The following FHAD1 variants were observed in gnomAD, a reference collection of about 807,000 sequenced individuals.
FHAD1 encodes forkhead-associated domain-containing protein 1.
A neutral mutation model predicts 191.3 loss-of-function variants in FHAD1; 146 were observed. That is an observed-to-expected ratio of 0.76 (90% CI 0.67 to 0.88). The LOEUF is 0.88. FHAD1 is among the 40% of genes least tolerant of loss of function. The pLI is 0.00. For missense variants in FHAD1, 1,635 were observed against 1,785.8 expected (o/e 0.92, Z 1.52); for synonymous variants, 616 against 672.3 (o/e 0.92, Z 1.29).
chr1:15,290,209 C>T (rs535828739), intron 4 of FHAD1, among the ~76,000 whole-genome samples: 122 of 152,286 alleles, frequency 8.0e-4, no homozygotes, highest in Non-Finnish European at 1.5e-3. Flanking sequence ...CACTCACAAC[C>T]TGGTCACTCT....
At chr1:15,317,986 T>A in intron 10 of FHAD1, 58 bp downstream of exon 10, 1 of 1,070,826 alleles carries the variant, frequency 9.3e-7, no homozygotes, top group Non-Finnish European at 1.4e-6. Flanking sequence ...CCACTCATCA[T>A]CCCTGTTAGT....
chr1:15,265,847 T>C (rs1326123541), intron 2 of FHAD1, among the ~76,000 whole-genome samples: 1 of 151,222 alleles, frequency 6.6e-6, no homozygotes, highest in Admixed American at 6.6e-5. Context: ...GGTGTGCCCC[T>C]GTAATCCCAG....
chr1:15,356,482 A>G (rs1003340812), intron 20 of FHAD1, among the ~76,000 whole-genome samples: 3 of 152,210 alleles, frequency 2.0e-5, no homozygotes, highest in African/African-American at 7.2e-5. Flanking sequence ...TTTACAGAAA[A>G]GAATAGAAGT....
At chr1:15,353,430 C>T (rs980802097) in intron 20 of FHAD1, among the ~76,000 whole-genome samples, 14 of 152,224 alleles carry the variant, frequency 9.2e-5, no homozygotes, top group African/African-American at 2.6e-4. Context: ...GTTGGCTGGG[C>T]GCGGTGGCTC....
chr1:15,381,128 C>A lies in FHAD1; in HGVS notation c.3802-103C>A. 5 of 770,516 alleles carry A rather than the reference C, an allele frequency of 6.5e-6. No individual in the cohort carries two copies. Among genetic ancestry groups the A allele is most frequent in the Non-Finnish European group, 1.1e-5 (5 of 471,038 alleles). 47.7% of individuals were successfully genotyped at this position (770,516 alleles called of 1,614,324 possible). On this transcript the variant is annotated intron_variant, in intron 29 of 33. Coordinates refer to ENST00000688493, the MANE Select transcript of FHAD1 (RefSeq NM_001391957.1). The surrounding 1 kb of genome is among the most constrained non-coding windows in gnomAD (Gnocchi z 4.6). Reference sequence around the variant, plus strand: ...TTTCAAAGCATGTGCGTGTTCTCTGCAATTGCAGAAAGTGAATGAAACAGA... The same window carrying A: ...TTTCAAAGCATGTGCGTGTTCTCTGAAATTGCAGAAAGTGAATGAAACAGA...
At chr1:15,285,857 T>C (rs1328660747) in intron 3 of FHAD1, among the ~76,000 whole-genome samples, 1 of 152,244 alleles carries the variant, frequency 6.6e-6, no homozygotes, top group Non-Finnish European at 1.5e-5. Context: ...CAATGGAATA[T>C]TATTCAGCCA....
intron 2 of FHAD1, among the ~76,000 whole-genome samples, chr1:15,258,268 C>CA (rs151169400): frequency 0.015 from 2,317 of 152,290 alleles, 58 homozygotes; most frequent in African/African-American, 0.053. Flanking sequence ...TGGCAGCCAC[C>CA]GTCTTTCTGA....
At chr1:15,304,199 G>A (rs1350640858) in intron 6 of FHAD1, among the ~76,000 whole-genome samples, 1 of 152,206 alleles carries the variant, frequency 6.6e-6, no homozygotes, top group African/African-American at 2.4e-5. Flanking sequence ...ACCGCCATGC[G>A]GCCTGCACTG....
At position 15,262,736 on chromosome 1, in the gene FHAD1, T is replaced by C. The variant is rs538176985; in HGVS notation, c.94-9587T>C. 3.3e-5 allele frequency among the ~76,000 whole-genome samples: 5 copies of C among 152,336 alleles called. No individual in the cohort carries two copies. The South Asian group carries it at 6.2e-4, about 19-fold the overall frequency. On this transcript the variant is annotated intron_variant, in intron 2 of 33. Coordinates refer to ENST00000688493, the MANE Select transcript of FHAD1 (RefSeq NM_001391957.1). ...TGGGTTGCTTTCACCATTTGGCTAC[T>C]GTGAATAATGTGAATAATGCTGCTA...
intron 1 of FHAD1, among the ~76,000 whole-genome samples, chr1:15,238,707 G>A (rs988530149): frequency 1.3e-5 from 2 of 152,104 alleles, no homozygotes; most frequent in African/African-American, 4.8e-5. Flanking sequence ...TTCTTTATAG[G>A]ATAAATCAAC....
chr1:15,382,104 G>C lies in FHAD1; in HGVS notation c.4099G>C (p.Glu1367Gln). 6.4e-7 allele frequency: 1 copy of C among 1,552,150 alleles called. No homozygotes were observed. The highest frequency in any genetic ancestry group is 8.7e-7 in the Non-Finnish European group (1 of 1,147,098). Residue 1367 changes from glutamate to glutamine, a missense_variant, in exon 31 of 34, where the codon GAG (glutamate) becomes CAG (glutamine). Coordinates refer to ENST00000688493, the MANE Select transcript of FHAD1 (RefSeq NM_001391957.1). ...LEDDIYKEAE[E>Q]KALLKEALER... is the part of the protein sequence containing the mutation. ...GGATGATATCTACAAAGAGGCCGAA[G>C]AGAAGGCCCTGCTGAAGGAGGCCCT...
At chr1:15,297,188 TG>T (rs532895625) in intron 5 of FHAD1, among the ~76,000 whole-genome samples, 162 of 152,174 alleles carry the variant, frequency 1.1e-3, no homozygotes, top group African/African-American at 3.6e-3. Context: ...ACTTCCCTAG[TG>T]GGAGGAAGTG....
intron 18 of FHAD1, among the ~76,000 whole-genome samples, chr1:15,348,060 C>G (rs1447096627): frequency 1.3e-5 from 2 of 152,202 alleles, no homozygotes; most frequent in Non-Finnish European, 2.9e-5. Flanking sequence ...TTTTACAATT[C>G]ACAGGAAAAT....
chr1:15,244,407 C>T (rs1573557739), upstream of FHAD1, among the ~76,000 whole-genome samples: 1 of 152,128 alleles, frequency 6.6e-6, no homozygotes, highest in Non-Finnish European at 1.5e-5. This position sits in a 1 kb window ranked among gnomAD's most constrained non-coding sequence, Gnocchi z 5.1. Context: ...ATGGGCTGTT[C>T]CAGCTCATGG....
At chr1:15,392,595 G>A (rs938549260) in intron 33 of FHAD1, among the ~76,000 whole-genome samples, 2 of 152,082 alleles carry the variant, frequency 1.3e-5, no homozygotes, top group Non-Finnish European at 2.9e-5. Context: ...GTCCTCTATA[G>A]TGTGCTTCGA....
In FHAD1 at chr1:15,374,855, T is replaced by TTTTG. The variant is rs1558266512; in HGVS notation, c.3577+227_3577+228insGTTT. On this transcript the variant is annotated intron_variant, in intron 27 of 33. Transcript: ENST00000688493. ...CATAACTCACTATTGTACGTTTTTT[T>TTTTG]TTTTGTTTGTTTTTTTTTTTTGAGA... 7.1e-4 allele frequency among the ~76,000 whole-genome samples: 80 copies of TTTTG among 111,962 alleles called. 1 individual carries two copies. Among genetic ancestry groups the TTTTG allele is most frequent in the African/African-American group, 3.7e-3 (71 of 19,352 alleles). 73.5% of individuals were successfully genotyped at this position (111,962 alleles called of 152,430 possible).
At chr1:15,347,993 GCA>G (rs1228210352) in intron 18 of FHAD1, among the ~76,000 whole-genome samples, 6 of 152,170 alleles carry the variant, frequency 3.9e-5, no homozygotes, top group Admixed American at 6.5e-5. Context: ...GAGTGTAGAC[GCA>G]GAGTCAGACA....
At chr1:15,274,006 G>T (rs969962393) in intron 3 of FHAD1, among the ~76,000 whole-genome samples, 37 of 152,114 alleles carry the variant, frequency 2.4e-4, no homozygotes, top group African/African-American at 8.0e-4. Flanking sequence ...TTGTCCTTTT[G>T]TGTCTAGCTG....
chr1:15,345,528 G>T lies in FHAD1; in HGVS notation c.2346+5G>T. On this transcript the variant is annotated splice_donor_5th_base_variant and intron_variant, in intron 18 of 33. Transcript: ENST00000688493. The stretch of plus-strand genomic sequence containing the variant: ...CGCTTGGCCCGCCAGAAGGAGGTAC[G>T]CTCGGGGAGATAGAGTCGGCTGAGC... The T allele has an allele frequency of 6.4e-7, 1 of 1,550,824 alleles. No individual in the cohort carries two copies. Among genetic ancestry groups the T allele is most frequent in the South Asian group, 1.2e-5 (1 of 84,034 alleles).
Sources: allele counts gnomAD v4.1 joint callset (sites outside exome capture counted in the v4.1 genomes callset), GRCh38; gene constraint gnomAD v4.1.1; non-coding constraint Gnocchi (gnomAD v3.1); transcripts MANE v1.5; gene names NCBI Gene and HGNC (gene_info 2026-07-23, HGNC 2026-07-21).